Variants in TMEM178B observed in about 807,000 individuals in gnomAD.
The protein encoded by TMEM178B is transmembrane protein 178B.
In TMEM178B, 5 loss-of-function variants were observed where a neutral mutation model predicts 31.0. That is an observed-to-expected ratio of 0.16 (90% CI 0.08 to 0.34). The LOEUF is 0.34. Ranked by LOEUF, TMEM178B falls within the 10% of genes least tolerant of loss-of-function variation. The pLI, the probability that TMEM178B is intolerant of heterozygous loss-of-function variation, is 1.00. For synonymous variants in TMEM178B, 164 were observed against 164.0 expected (o/e 1.00, Z 0.00); for missense variants, 275 against 400.3 (o/e 0.69, Z 2.67).
chr7:141,319,740 GT>G (rs1480719733), intron 2 of TMEM178B, among the ~76,000 whole-genome samples: 1 of 152,172 alleles, frequency 6.6e-6, no homozygotes, highest in Non-Finnish European at 1.5e-5. Context: ...GTTTCACCAT[GT>G]TGGCCAGGCT....
intron 2 of TMEM178B, among the ~76,000 whole-genome samples, chr7:141,236,109 C>A (rs1797523076): frequency 6.6e-6 from 1 of 152,196 alleles, no homozygotes; most frequent in Non-Finnish European, 1.5e-5. Flanking sequence ...CTCTGAGATG[C>A]AAACCTAGTC....
At chr7:141,135,360 T>C (rs1336230615) in intron 1 of TMEM178B, among the ~76,000 whole-genome samples, 1 of 152,164 alleles carries the variant, frequency 6.6e-6, no homozygotes, top group African/African-American at 2.4e-5. Context: ...TGGACTTAAA[T>C]TGGACTTTAG....
Position 141,318,911 on chromosome 7 carries a change from A to G in TMEM178B, c.496+106207A>G, listed in dbSNP as rs1026511704. On this transcript the variant is annotated intron_variant, in intron 2 of 3. Coordinates refer to ENST00000565468, the MANE Select transcript of TMEM178B (RefSeq NM_001195278.2). The surrounding 1 kb of genome is among the most constrained non-coding windows in gnomAD (Gnocchi z 4.1). ...GCCAGAAATGCTTACCTTGGATCCA[A>G]GCTTGAATATGAGATATTTCTGCCA... Among the ~76,000 whole-genome samples the G allele has an allele frequency of 2.0e-5, 3 of 152,196 alleles. No homozygotes were observed. The highest frequency in any genetic ancestry group is 2.9e-5 in the Non-Finnish European group (2 of 68,032).
At chr7:141,230,777 C>T (rs1358552876) in intron 2 of TMEM178B, among the ~76,000 whole-genome samples, 2 of 152,200 alleles carry the variant, frequency 1.3e-5, no homozygotes, top group Non-Finnish European at 1.5e-5. Flanking sequence ...GCTAGGACTA[C>T]AGATGTGCTC....
chr7:141,285,375 G>T (rs945559919), intron 2 of TMEM178B, among the ~76,000 whole-genome samples: 1 of 151,124 alleles, frequency 6.6e-6, no homozygotes, highest in African/African-American at 2.4e-5. Flanking sequence ...AGCCAAGATG[G>T]TCTCGATCTC....
At chr7:141,105,839 A>G (rs1795136102) in intron 1 of TMEM178B, among the ~76,000 whole-genome samples, 1 of 152,036 alleles carries the variant, frequency 6.6e-6, no homozygotes, top group Non-Finnish European at 1.5e-5. Flanking sequence ...TCATGCCTGT[A>G]ATCCCAGCTG....
intron 1 of TMEM178B, among the ~76,000 whole-genome samples, chr7:141,085,580 C>T (rs1415390541): frequency 6.6e-6 from 1 of 151,952 alleles, no homozygotes; most frequent in South Asian, 2.1e-4. Flanking sequence ...CCCTGCTGTT[C>T]TATATTCTGG....
At chr7:141,298,884 G>A (rs1378685620) in intron 2 of TMEM178B, among the ~76,000 whole-genome samples, 1 of 152,208 alleles carries the variant, frequency 6.6e-6, no homozygotes, top group Non-Finnish European at 1.5e-5. Flanking sequence ...AAGATATGGA[G>A]AGATCACCTC....
At chr7:141,078,330 A>G (rs1485701663) in intron 1 of TMEM178B, among the ~76,000 whole-genome samples, 1 of 152,210 alleles carries the variant, frequency 6.6e-6, no homozygotes, top group African/African-American at 2.4e-5. Context: ...TTCAACTGAT[A>G]CTCTAAGAAC....
intron 1 of TMEM178B, among the ~76,000 whole-genome samples, chr7:141,096,971 T>G (rs570054587): frequency 1.1e-4 from 17 of 152,016 alleles, no homozygotes; most frequent in Non-Finnish European, 1.9e-4. Flanking sequence ...GTGCCTGTAG[T>G]CCCAGCTACT....
In TMEM178B at chr7:141,478,408, T is replaced by C. The variant is rs529796406; in HGVS notation, c.*7622T>C. The C allele has an allele frequency of 6.6e-6, 1 of 152,114 alleles. No individual in the cohort carries two copies. Among genetic ancestry groups the C allele is most frequent in the Non-Finnish European group, 1.5e-5 (1 of 68,036 alleles). 9.4% of individuals were successfully genotyped at this position (152,114 alleles called of 1,614,324 possible). On this transcript the variant is annotated 3_prime_UTR_variant, in exon 4 of 4. Transcript: ENST00000565468. The stretch of plus-strand genomic sequence containing the variant: ...GCTTGGCCAGTGACCCAACCCATGA[T>C]TAGAGGCACCTTCAATCCCAACTTT...
intron 3 of TMEM178B, among the ~76,000 whole-genome samples, chr7:141,467,174 A>C (rs1391543957): frequency 6.6e-6 from 1 of 152,138 alleles, no homozygotes; most frequent in Non-Finnish European, 1.5e-5. Context: ...CTCTTCCCCA[A>C]GACCCTCTGA....
intron 1 of TMEM178B, among the ~76,000 whole-genome samples, chr7:141,128,719 TTCCTGATTCCCACATCACTTC>T (rs1230925975): frequency 6.6e-6 from 1 of 152,142 alleles, no homozygotes; most frequent in Non-Finnish European, 1.5e-5. Flanking sequence ...CAGACATTGT[TTCCTGATTCCCACATCACTTC>T]TCCTGCTAAG....
chr7:141,501,758 C>G, the TMEM178B span, among the ~76,000 whole-genome samples: 1 of 152,176 alleles, frequency 6.6e-6, no homozygotes, highest in Non-Finnish European at 1.5e-5. Context: ...TTCTATGGGT[C>G]TCCAGCCTGC....
chr7:141,501,775 A>G, the TMEM178B span, among the ~76,000 whole-genome samples: 1 of 152,044 alleles, frequency 6.6e-6, no homozygotes, highest in Non-Finnish European at 1.5e-5. Flanking sequence ...CTGCCAGGTT[A>G]CCCTGCAGGT....
the TMEM178B span, among the ~76,000 whole-genome samples, chr7:141,486,449 G>A: frequency 6.6e-6 from 1 of 152,110 alleles, no homozygotes. Context: ...CCAGTGAGGT[G>A]GAAATGACTG....
chr7:141,228,379 TTTC>T (rs1797380250), intron 2 of TMEM178B, among the ~76,000 whole-genome samples: 1 of 152,074 alleles, frequency 6.6e-6, no homozygotes, highest in Non-Finnish European at 1.5e-5. Flanking sequence ...TAAGATAGAC[TTTC>T]TTCTTTCTTT....
intron 2 of TMEM178B, among the ~76,000 whole-genome samples, chr7:141,358,939 G>C (rs1015775448): frequency 2.6e-5 from 4 of 152,086 alleles, no homozygotes; most frequent in African/African-American, 9.7e-5. Flanking sequence ...CGTGCCACAT[G>C]CACCCACTCA....
chr7:141,269,461 G>C (rs1422908319), intron 2 of TMEM178B, among the ~76,000 whole-genome samples: 2 of 152,168 alleles, frequency 1.3e-5, no homozygotes, highest in African/African-American at 4.8e-5. Flanking sequence ...ATGTAAAAAA[G>C]ACTTTATTCA....
Sources: gnomAD v4.1 joint callset for allele counts (sites outside exome capture counted in the v4.1 genomes callset) on GRCh38, gnomAD v4.1.1 for gene constraint, Gnocchi (gnomAD v3.1) non-coding constraint, MANE v1.5 for transcripts, NCBI Gene and HGNC (gene_info 2026-07-23, HGNC 2026-07-21) for gene names.